The following PTPRT variants were observed in gnomAD, a reference collection of about 807,000 sequenced individuals.
The protein encoded by PTPRT is receptor-type tyrosine-protein phosphatase T.
PTPRT carries 56 observed loss-of-function variants against 176.8 expected under a neutral mutation model. The observed-to-expected ratio is 0.32, with a 90% confidence interval of 0.26 to 0.40. The LOEUF (loss-of-function observed/expected upper bound fraction) is 0.40, where lower values mean the gene tolerates loss of function less well. PTPRT is among the 10% of genes least tolerant of loss of function. PTPRT has a pLI of 1.00. For missense variants in PTPRT, 1,540 were observed against 1,908.2 expected (o/e 0.81, Z 3.60); for synonymous variants, 783 against 739.0 (o/e 1.06, Z -0.96).
chr20:42,856,223 C>T (rs1309204935), intron 2 of PTPRT, among the ~76,000 whole-genome samples: 1 of 152,162 alleles, frequency 6.6e-6, no homozygotes, highest in Non-Finnish European at 1.5e-5. Flanking sequence ...GCAATTTCCT[C>T]TCCCATAAGA....
rs1401443051 is a variant in PTPRT at position 42,211,281 on chromosome 20, A to C, written c.2343-11893T>G. ...ACACCAAAAGCAATGGCAACAAAAG[A>C]CAAAATTGACAAATGGGATCTAATT... On this transcript the variant is annotated intron_variant, in intron 15 of 30. Transcript: ENST00000373187. Among the ~76,000 whole-genome samples the C allele has an allele frequency of 4.0e-3, 608 of 150,972 alleles. 5 individuals are homozygous for C. The highest frequency in any genetic ancestry group is 0.012 in the African/African-American group (488 of 40,854).
chr20:42,648,820 G>GTTGTTTTTTTTT (rs1310734163), intron 7 of PTPRT, among the ~76,000 whole-genome samples: 1 of 111,834 alleles, frequency 8.9e-6, no homozygotes, highest in African/African-American at 3.7e-5. Flanking sequence ...TGGTGTCGTT[G>GTTGTTTTTTTTT]TTTTTTTTTT....
intron 17 of PTPRT, among the ~76,000 whole-genome samples, chr20:42,161,146 T>C (rs1030395939): frequency 1.3e-5 from 2 of 152,196 alleles, no homozygotes; most frequent in African/African-American, 4.8e-5. Context: ...TCAAATTTAA[T>C]GTGTATACAA....
intron 26 of PTPRT, among the ~76,000 whole-genome samples, chr20:42,100,766 T>A (rs1240714587): frequency 6.6e-6 from 1 of 152,200 alleles, no homozygotes; most frequent in Non-Finnish European, 1.5e-5. Flanking sequence ...GCTCATTGAC[T>A]TTAGAAGGCT....
chr20:42,471,398 C>T (rs571635306), intron 8 of PTPRT, among the ~76,000 whole-genome samples: 9 of 152,184 alleles, frequency 5.9e-5, no homozygotes, highest in Admixed American at 3.3e-4. Flanking sequence ...GCTGTCTTCG[C>T]GACAGTGAGT....
chr20:42,091,555 G>GTGATTTCTTC, intron 27 of PTPRT, among the ~76,000 whole-genome samples: 1 of 152,142 alleles, frequency 6.6e-6, no homozygotes, highest in South Asian at 2.1e-4. Context: ...AGGCCCCTGC[G>GTGATTTCTTC]ACCCAGAGTG....
intron 7 of PTPRT, among the ~76,000 whole-genome samples, chr20:42,523,315 G>A (rs1426674253): frequency 3.9e-5 from 6 of 152,198 alleles, no homozygotes; most frequent in South Asian, 2.1e-4. Flanking sequence ...TAATTTGATC[G>A]TCTTTCCTTG....
intron 9 of PTPRT, among the ~76,000 whole-genome samples, chr20:42,389,509 T>TTAGGTCATGAGGTGTC (rs1411341056): frequency 6.6e-6 from 1 of 152,026 alleles, no homozygotes; most frequent in African/African-American, 2.4e-5. Flanking sequence ...TGGGAGGTGT[T>TTAGGTCATGAGGTGTC]TAGGTCATGA....
At chr20:42,438,184 C>T (rs889753865) in intron 9 of PTPRT, among the ~76,000 whole-genome samples, 10 of 152,326 alleles carry the variant, frequency 6.6e-5, no homozygotes, top group East Asian at 3.9e-4. Context: ...AGAAAGCCCA[C>T]GCCCTGACAA....
Position 43,073,003 on chromosome 20 carries a change from A to G in PTPRT, c.88+116643T>C, listed in dbSNP as rs552384784. Among the ~76,000 whole-genome samples, 10 of 152,300 alleles carry G rather than the reference A, an allele frequency of 6.6e-5. No homozygotes were observed. In the South Asian group the frequency reaches 2.1e-3, roughly 32 times the overall value. Reference sequence around the variant, plus strand: ...TTGAAGAAGTCAGGAGGAATAAAAGACCATCTGTGTGCTCAAAAAGACTTC... The same window carrying G: ...TTGAAGAAGTCAGGAGGAATAAAAGGCCATCTGTGTGCTCAAAAAGACTTC... On this transcript the variant is annotated intron_variant, in intron 1 of 30. Coordinates refer to ENST00000373187, the MANE Select transcript of PTPRT (RefSeq NM_007050.6).
At chr20:42,108,578 TTAC>T (rs1418309490) in intron 23 of PTPRT, among the ~76,000 whole-genome samples, 1 of 152,220 alleles carries the variant, frequency 6.6e-6, no homozygotes, top group Non-Finnish European at 1.5e-5. Context: ...TGAGAAATTA[TTAC>T]TATTATATTC....
chr20:43,095,856 C>T (rs1471230501), intron 1 of PTPRT, among the ~76,000 whole-genome samples: 1 of 7,280 alleles, frequency 1.4e-4, no homozygotes, highest in African/African-American at 4.9e-4. Flanking sequence ...CCCTTTCTCT[C>T]CTTCTCTCTT....
At chr20:43,008,490 A>T (rs750514304) in intron 1 of PTPRT, among the ~76,000 whole-genome samples, 2 of 152,144 alleles carry the variant, frequency 1.3e-5, no homozygotes, top group Non-Finnish European at 2.9e-5. Context: ...CAGGAGTTTG[A>T]GACGAGGCTG....
At chr20:42,889,062 G>A (rs1028014456) in intron 1 of PTPRT, among the ~76,000 whole-genome samples, 3 of 152,178 alleles carry the variant, frequency 2.0e-5, no homozygotes, top group Admixed American at 6.5e-5. Flanking sequence ...CCCCTAGTCC[G>A]TTGGATCCAT....
rs112284913 is a variant in PTPRT, at chr20:42,861,636, A to G, written c.214+24171T>C. 1.7e-3 allele frequency among the ~76,000 whole-genome samples: 261 copies of G among 152,306 alleles called. 3 individuals carry two copies. Among genetic ancestry groups the G allele is most frequent in the African/African-American group, 5.9e-3 (245 of 41,562 alleles). ...AAACAGTTACACAAACATGTAGATG[A>G]ATAAAATGCCAAATATTATGATAAG... On this transcript the variant is annotated intron_variant, in intron 2 of 30. Coordinates refer to ENST00000373187, the MANE Select transcript of PTPRT (RefSeq NM_007050.6).
chr20:42,552,336 C>A (rs747637597), intron 7 of PTPRT, among the ~76,000 whole-genome samples: 1 of 152,050 alleles, frequency 6.6e-6, no homozygotes, highest in African/African-American at 2.4e-5. Context: ...CAGAAGCAAA[C>A]ACAAACATAA....
At chr20:42,712,057 A>C (rs2076152443) in intron 6 of PTPRT, among the ~76,000 whole-genome samples, 1 of 152,152 alleles carries the variant, frequency 6.6e-6, no homozygotes. Context: ...TAAAATGAGC[A>C]GTATACTGTG....
intron 9 of PTPRT, among the ~76,000 whole-genome samples, chr20:42,363,709 C>A (rs1202156864): frequency 6.6e-6 from 1 of 152,110 alleles, no homozygotes; most frequent in Non-Finnish European, 1.5e-5. Context: ...GTTTAATCAT[C>A]CCACAAGTTT....
chr20:42,232,633 CCCA>C (rs61251395), intron 15 of PTPRT, among the ~76,000 whole-genome samples: 2,662 of 151,826 alleles, frequency 0.018, 81 homozygotes, highest in African/African-American at 0.061. Context: ...TCCCTCCTCC[CCCA>C]CTCCCAGACT....
Sources: allele counts gnomAD v4.1 joint callset (sites outside exome capture counted in the v4.1 genomes callset), GRCh38; gene constraint gnomAD v4.1.1; transcripts MANE v1.5; gene names NCBI Gene and HGNC (gene_info 2026-07-23, HGNC 2026-07-21).